Variants in C10orf67 observed in about 807,000 individuals in gnomAD.
The protein encoded by C10orf67 is chromosome 10 open reading frame 67.
Under a neutral mutation model 35.6 loss-of-function variants are expected in C10orf67, and 60 were observed. The observed-to-expected ratio is 1.68, with a 90% CI of 1.37 to 2.09. The LOEUF is 2.09. Among genes scored for constraint, C10orf67 ranks in the 30% most tolerant of loss-of-function variants. The pLI is 0.00. For missense variants in C10orf67, 474 were observed against 330.2 expected (o/e 1.44, Z -3.38); for synonymous variants, 167 against 115.8 (o/e 1.44, Z -2.84).
intron 10 of C10orf67, among the ~76,000 whole-genome samples, chr10:23,264,097 A>T (rs1205444342): frequency 6.6e-6 from 1 of 152,236 alleles, no homozygotes; most frequent in Non-Finnish European, 1.5e-5. Flanking sequence ...TACACGTGGT[A>T]AACGTTATAA....
intron 4 of C10orf67, chr10:23,318,087 A>G (rs929993078): frequency 1.9e-4 from 26 of 136,008 alleles, no homozygotes; most frequent in African/African-American, 7.3e-4. Context: ...GGAGACAGTG[A>G]GATCCCTGTC....
chr10:23,247,570 G>A (rs1842349267), intron 12 of C10orf67, among the ~76,000 whole-genome samples: 1 of 152,108 alleles, frequency 6.6e-6, no homozygotes, highest in African/African-American at 2.4e-5. Flanking sequence ...CTGTCATCAA[G>A]TGACACATGA....
intron 10 of C10orf67, among the ~76,000 whole-genome samples, chr10:23,253,385 G>T (rs987083312): frequency 2.0e-5 from 3 of 152,246 alleles, no homozygotes; most frequent in African/African-American, 7.2e-5. Context: ...CACAATCCAC[G>T]TGAACCACCT....
intron 5 of C10orf67, among the ~76,000 whole-genome samples, chr10:23,300,805 C>T (rs1225540679): frequency 6.6e-6 from 1 of 152,166 alleles, no homozygotes; most frequent in Admixed American, 6.5e-5. Context: ...GCCTGCTGGC[C>T]TGTGGGGAAT....
intron 12 of C10orf67, among the ~76,000 whole-genome samples, chr10:23,249,579 G>T (rs553542586): frequency 1.3e-5 from 2 of 152,150 alleles, no homozygotes; most frequent in Non-Finnish European, 2.9e-5. Context: ...TTGTGCCACC[G>T]CACTTAGGAT....
chr10:23,207,035 G>C (rs561580789), intron 15 of C10orf67, among the ~76,000 whole-genome samples: 1 of 152,176 alleles, frequency 6.6e-6, no homozygotes, highest in East Asian at 1.9e-4. Context: ...CCATACTCTT[G>C]ATAAAGTTAC....
chr10:23,252,611 A>G (rs1172074761), intron 10 of C10orf67, among the ~76,000 whole-genome samples: 1 of 152,230 alleles, frequency 6.6e-6, no homozygotes, highest in Non-Finnish European at 1.5e-5. Context: ...AATTTAGGTG[A>G]CTTTTTGAGT....
At chr10:23,247,118 T>C (rs2132151370) in intron 12 of C10orf67, among the ~76,000 whole-genome samples, 1 of 152,166 alleles carries the variant, frequency 6.6e-6, no homozygotes, top group East Asian at 1.9e-4. Context: ...AATTTGTTAT[T>C]GAAAAAAATA....
At chr10:23,232,115 C>T (rs1423113082) in intron 13 of C10orf67, among the ~76,000 whole-genome samples, 1 of 152,138 alleles carries the variant, frequency 6.6e-6, no homozygotes, top group African/African-American at 2.4e-5. Context: ...TGGCCTTGCT[C>T]TTGGGAATGC....
chr10:23,230,196 A>T (rs1477033602), intron 13 of C10orf67, among the ~76,000 whole-genome samples: 2 of 152,166 alleles, frequency 1.3e-5, no homozygotes, highest in African/African-American at 4.8e-5. Flanking sequence ...TGACAGGTGG[A>T]ATTATATATC....
At chr10:23,329,762 C>T (rs368725694) in intron 2 of C10orf67, among the ~76,000 whole-genome samples, 28 of 126,700 alleles carry the variant, frequency 2.2e-4, no homozygotes, top group South Asian at 7.5e-4. Context: ...ATTGTCACTG[C>T]ACTCCAGCCT....
chr10:23,336,798 C>T (rs1429056962), intron 1 of C10orf67, among the ~76,000 whole-genome samples: 1 of 152,118 alleles, frequency 6.6e-6, no homozygotes, highest in Non-Finnish European at 1.5e-5. Flanking sequence ...CAGGTGTGAG[C>T]CACCGCACCT....
chr10:23,293,008 G>A (rs899324109), intron 5 of C10orf67, among the ~76,000 whole-genome samples: 3 of 152,218 alleles, frequency 2.0e-5, no homozygotes, highest in African/African-American at 7.2e-5. Context: ...TTGTGTGTGT[G>A]TGTGTGTGGA....
intron 10 of C10orf67, among the ~76,000 whole-genome samples, chr10:23,256,235 C>T (rs923426777): frequency 3.3e-5 from 5 of 152,114 alleles, no homozygotes; most frequent in African/African-American, 1.2e-4. Context: ...CTCCTGGGCT[C>T]AAGCAATCCT....
At position 23,282,073 on chromosome 10, in the gene C10orf67, C is replaced by T. The variant is rs920024897; in HGVS notation, c.915G>A (p.Met305Ile). The T allele has an allele frequency of 1.9e-5, 11 of 570,424 alleles. No individual in the cohort carries two copies. Among genetic ancestry groups the T allele is most frequent in the African/African-American group, 1.4e-4 (7 of 51,024 alleles). 35.3% of individuals were successfully genotyped at this position (570,424 alleles called of 1,614,324 possible). Residue 305 changes from methionine (M) to isoleucine (I), a missense_variant, in exon 8 of 16, where the codon ATG becomes ATA. Transcript: ENST00000636213. Reference protein sequence around the residue: ...EKDHKTIQKLMDSRDRLREEL... With the variant: ...EKDHKTIQKLIDSRDRLREEL... ...CTTCTCTTAATCTGTCTCTACTATC[C>T]ATTAACTGAAATAGAGAAGAAATTA...
chr10:23,305,251 C>A (rs1018619980), intron 4 of C10orf67, among the ~76,000 whole-genome samples: 5 of 152,290 alleles, frequency 3.3e-5, no homozygotes, highest in East Asian at 1.9e-4. Flanking sequence ...AAATAATTAT[C>A]TTTAAGAAGC....
intron 4 of C10orf67, among the ~76,000 whole-genome samples, chr10:23,310,602 A>G (rs576738535): frequency 6.6e-6 from 1 of 152,206 alleles, no homozygotes; most frequent in East Asian, 1.9e-4. Context: ...TCACCTCTCC[A>G]GATGGTCCTT....
chr10:23,278,402 T>G lies in C10orf67; in HGVS notation c.975+3611A>C, dbSNP rs1307303757. Among the ~76,000 whole-genome samples, 4 of 152,222 alleles carry G rather than the reference T, an allele frequency of 2.6e-5. No homozygotes were observed. The East Asian group carries it at 7.7e-4, about 29-fold the overall frequency. ...AAGTACATATAGTTCATGCCATATATAGTGTGGGTTAAGCCATTCTCAAAT... is the reference window on the plus strand; with the variant it reads ...AAGTACATATAGTTCATGCCATATAGAGTGTGGGTTAAGCCATTCTCAAAT... On this transcript the variant is annotated intron_variant, in intron 8 of 15. Transcript: ENST00000636213.
chr10:23,288,405 T>G (rs1213358118), intron 7 of C10orf67, among the ~76,000 whole-genome samples: 2 of 152,036 alleles, frequency 1.3e-5, no homozygotes, highest in Non-Finnish European at 2.9e-5. Flanking sequence ...CACTCATAAG[T>G]AGGAGTTGAA....
Sources: gnomAD v4.1 joint callset for allele counts (sites outside exome capture counted in the v4.1 genomes callset) on GRCh38, gnomAD v4.1.1 for gene constraint, MANE v1.5 for transcripts, NCBI Gene and HGNC (gene_info 2026-07-23, HGNC 2026-07-21) for gene names.